VPS37A: variants seen among roughly 807,000 people sequenced by gnomAD.
VPS37A encodes VPS37A subunit of ESCRT-I, also known as vacuolar protein sorting-associated protein 37A.
A neutral mutation model predicts 49.8 loss-of-function variants in VPS37A; 30 were observed. The observed-to-expected ratio is 0.60, with a 90% CI of 0.45 to 0.82. The LOEUF (loss-of-function observed/expected upper bound fraction) is 0.82. Ranked by LOEUF, VPS37A falls within the 40% of genes least tolerant of loss-of-function variation. VPS37A has a pLI of 0.00. For synonymous variants in VPS37A, 195 were observed against 160.6 expected (o/e 1.21, Z -1.62); for missense variants, 593 against 464.4 (o/e 1.28, Z -2.55).
At chr8:17,251,013 A>AG (rs1430524564) in intron 1 of VPS37A, among the ~76,000 whole-genome samples, 14 of 152,326 alleles carry the variant, frequency 9.2e-5, no homozygotes, top group East Asian at 5.8e-4. Context: ...GGACAGGAGT[A>AG]GAACTAATTC....
intron 11 of VPS37A, among the ~76,000 whole-genome samples, chr8:17,294,617 C>A (rs988245217): frequency 6.6e-6 from 1 of 152,128 alleles, no homozygotes. Context: ...TTGCGAAGAC[C>A]GTGGAAAAAG....
chr8:17,265,368 A>G (rs1416799779), intron 1 of VPS37A, among the ~76,000 whole-genome samples: 1 of 152,256 alleles, frequency 6.6e-6, no homozygotes, highest in Non-Finnish European at 1.5e-5. Context: ...AGAACTAACT[A>G]GAACATTGCT....
At chr8:17,313,275 T>C in the VPS37A span, 13 of 1,576,076 alleles carry the variant, frequency 8.2e-6, no homozygotes, top group Non-Finnish European at 1.0e-5. Context: ...TAATTTATTT[T>C]CTCTGCAATT....
intron 1 of VPS37A, among the ~76,000 whole-genome samples, chr8:17,262,147 T>G (rs1336660925): frequency 6.6e-6 from 1 of 152,140 alleles, no homozygotes; most frequent in African/African-American, 2.4e-5. Flanking sequence ...GAAGTCCGAT[T>G]CTCTTACCAT....
chr8:17,272,484 T>G (rs1350059998), intron 4 of VPS37A, among the ~76,000 whole-genome samples: 2 of 152,190 alleles, frequency 1.3e-5, no homozygotes, highest in Non-Finnish European at 2.9e-5. Flanking sequence ...ACCGACAAGT[T>G]TACTTGTTTT....
downstream of VPS37A, among the ~76,000 whole-genome samples, chr8:17,300,704 A>T (rs891583429): frequency 6.6e-6 from 1 of 152,220 alleles, no homozygotes; most frequent in African/African-American, 2.4e-5. Context: ...ATCACTACTA[A>T]TTATAAAACA....
Position 17,247,446 on chromosome 8 carries a change from C to T in VPS37A, c.125+77C>T, listed in dbSNP as rs1811365597. Reference sequence around the variant, plus strand: ...GCTTGTCCTAACCACCCTCACAGCGCCTCAGTCTGCTCCCCACCAGCTCCT... The same window carrying T: ...GCTTGTCCTAACCACCCTCACAGCGTCTCAGTCTGCTCCCCACCAGCTCCT... On this transcript the variant is annotated intron_variant, in intron 1 of 11. Transcript: ENST00000324849. 12 of 1,505,442 alleles carry T rather than the reference C, an allele frequency of 8.0e-6. No individual in the cohort carries two copies. In the Admixed American group the frequency reaches 1.4e-4, roughly 18 times the overall value. 93.3% of individuals were successfully genotyped at this position (1,505,442 alleles called of 1,614,324 possible).
intron 1 of VPS37A, among the ~76,000 whole-genome samples, chr8:17,249,757 C>A (rs1318341563): frequency 6.6e-6 from 1 of 152,168 alleles, no homozygotes; most frequent in Non-Finnish European, 1.5e-5. Context: ...GCTGACCCTC[C>A]TGTAACAAAA....
intron 1 of VPS37A, among the ~76,000 whole-genome samples, chr8:17,255,871 A>G (rs1812401328): frequency 6.6e-6 from 1 of 152,098 alleles, no homozygotes; most frequent in Non-Finnish European, 1.5e-5. Flanking sequence ...ACAGGATTTC[A>G]TCCTTTTTTA....
chr8:17,331,109 C>A, the VPS37A span: 149 of 1,585,556 alleles, frequency 9.4e-5, 2 homozygotes, highest in South Asian at 1.6e-3. Flanking sequence ...CATCAAAATA[C>A]TTAACTGCAT....
intron 6 of VPS37A, among the ~76,000 whole-genome samples, chr8:17,276,923 T>A (rs1322257991): frequency 2.6e-5 from 4 of 152,118 alleles, no homozygotes; most frequent in African/African-American, 7.2e-5. Flanking sequence ...AAGTTTATAA[T>A]CAAATTTAAG....
In VPS37A at chr8:17,296,478, G is replaced by A. The variant is rs1339629982; in HGVS notation, c.*1492G>A. 6.6e-6 allele frequency: 1 copy of A among 152,066 alleles called. No individual in the cohort carries two copies. The highest frequency in any genetic ancestry group is 1.5e-5 in the Non-Finnish European group (1 of 68,016). 9.4% of individuals were successfully genotyped at this position (152,066 alleles called of 1,614,324 possible). ...AGAAACCTTTCCTTATACTGCACTG[G>A]CCACCAGAGCTTAATTTTCCCAGCA... is the stretch of plus-strand genomic sequence containing the variant. On this transcript the variant is annotated 3_prime_UTR_variant, in exon 12 of 12. Transcript: ENST00000324849.
At chr8:17,317,633 C>A in the VPS37A span, among the ~76,000 whole-genome samples, 2 of 152,144 alleles carry the variant, frequency 1.3e-5, no homozygotes, top group African/African-American at 2.4e-5. Flanking sequence ...CTAGGCAGTG[C>A]AGGGGAGGAA....
At chr8:17,258,093 G>A (rs193273168) in intron 1 of VPS37A, among the ~76,000 whole-genome samples, 1 of 151,962 alleles carries the variant, frequency 6.6e-6, no homozygotes, top group Non-Finnish European at 1.5e-5. Context: ...TGTCATCCGC[G>A]AACAAGGCTA....
At chr8:17,269,051 C>T (rs1813735117) in intron 4 of VPS37A, 95 bp downstream of exon 4, 1 of 849,842 alleles carries the variant, frequency 1.2e-6, no homozygotes, top group Non-Finnish European at 1.8e-6. Context: ...AAAAATCAGT[C>T]CTCTGATTTC....
chr8:17,265,160 C>A (rs1164722702), intron 1 of VPS37A, among the ~76,000 whole-genome samples: 1 of 152,128 alleles, frequency 6.6e-6, no homozygotes, highest in African/African-American at 2.4e-5. Flanking sequence ...CAGAGTCACT[C>A]ATGGTGGAAA....
At chr8:17,291,831 G>T (rs1816187746) in intron 11 of VPS37A, among the ~76,000 whole-genome samples, 2 of 152,178 alleles carry the variant, frequency 1.3e-5, no homozygotes, top group Admixed American at 6.5e-5. Context: ...TTGCAGTGTG[G>T]TCTGGGAGAC....
chr8:17,313,034 C>A, the VPS37A span, among the ~76,000 whole-genome samples: 6 of 152,172 alleles, frequency 3.9e-5, no homozygotes, highest in Admixed American at 6.5e-5. Flanking sequence ...TTCCTCCATC[C>A]AGGATTAAGC....
At chr8:17,300,259 A>G (rs770890144), downstream of VPS37A, 11 of 1,571,262 alleles carry the variant, frequency 7.0e-6, no homozygotes, top group South Asian at 3.5e-5. Flanking sequence ...GGGAAAAATC[A>G]TAAATAACTT....
Sources: allele counts gnomAD v4.1 joint callset (sites outside exome capture counted in the v4.1 genomes callset), GRCh38; gene constraint gnomAD v4.1.1; transcripts MANE v1.5; gene names NCBI Gene and HGNC (gene_info 2026-07-23, HGNC 2026-07-21).